ROBO1: variants seen among roughly 807,000 people sequenced by gnomAD.
ROBO1 encodes roundabout homolog 1.
A neutral mutation model predicts 195.9 loss-of-function variants in ROBO1; 149 were observed. The observed-to-expected ratio is 0.76, with a 90% confidence interval of 0.67 to 0.87. The LOEUF is 0.87. ROBO1 is among the 40% of genes least tolerant of loss of function. ROBO1 has a pLI of 0.00. For synonymous variants in ROBO1, 816 were observed against 733.2 expected, an observed-to-expected ratio of 1.11 and a Z score of -1.82; for missense variants, 1,933 against 2,068.3, an observed-to-expected ratio of 0.93 and a Z score of 1.27.
intron 1 of ROBO1, among the ~76,000 whole-genome samples, chr3:79,740,671 A>G (rs1019465462): frequency 6.6e-6 from 1 of 152,128 alleles, no homozygotes; most frequent in African/African-American, 2.4e-5. Flanking sequence ...AACCGCCCCC[A>G]TGATTCAATT....
At position 78,915,240 on chromosome 3, in the gene ROBO1, A is replaced by C. The variant is rs141050345; in HGVS notation, c.499+23361T>G. On this transcript the variant is annotated intron_variant, in intron 4 of 30. Coordinates refer to ENST00000464233, the MANE Select transcript of ROBO1 (RefSeq NM_002941.4). ...CTTACCTAAGATTATGAAGGCACCT[A>C]ATAGTAAGAAACATCAAGAATGTTC... 1.9e-3 allele frequency among the ~76,000 whole-genome samples: 293 copies of C among 152,336 alleles called. 1 individual carries two copies. The highest frequency in any genetic ancestry group is 0.017 in the Middle Eastern group (5 of 294).
rs531203402 is a variant in ROBO1 at position 79,055,348 on chromosome 3, T to A, written c.172+70108A>T. On this transcript the variant is annotated intron_variant, in intron 3 of 30. Transcript: ENST00000464233. ...GAAAAGGCCACTTATTGGATTAATATAATTTCTAAACAATGGCCCACCTGC... is the reference window on the plus strand; with the variant it reads ...GAAAAGGCCACTTATTGGATTAATAAAATTTCTAAACAATGGCCCACCTGC... Among the ~76,000 whole-genome samples the A allele has an allele frequency of 3.3e-5, 5 of 152,226 alleles. No individual in the cohort carries two copies. The East Asian group carries it at 9.7e-4, about 30-fold the overall frequency.
intron 1 of ROBO1, among the ~76,000 whole-genome samples, chr3:79,678,467 T>C (rs1265426141): frequency 2.6e-5 from 4 of 152,092 alleles, no homozygotes; most frequent in African/African-American, 7.2e-5. Flanking sequence ...TAAGGCTATT[T>C]AAAATTTGTA....
chr3:78,656,614 G>C (rs940750400), intron 18 of ROBO1, among the ~76,000 whole-genome samples: 4 of 152,068 alleles, frequency 2.6e-5, no homozygotes, highest in Non-Finnish European at 2.9e-5. Flanking sequence ...GCCTCCCAGA[G>C]TGTTGGGATT....
At chr3:79,452,416 T>C (rs2039475101) in intron 2 of ROBO1, among the ~76,000 whole-genome samples, 2 of 152,086 alleles carry the variant, frequency 1.3e-5, no homozygotes, top group Admixed American at 1.3e-4. Flanking sequence ...CATGTCTCCA[T>C]ATTGCATACT....
At position 79,697,106 on chromosome 3, in the gene ROBO1, G is replaced by A. The variant is rs574581798; in HGVS notation, c.-51+70646C>T. 2.0e-5 allele frequency among the ~76,000 whole-genome samples: 3 copies of A among 151,468 alleles called. No homozygotes were observed. The East Asian group carries it at 5.9e-4, about 30-fold the overall frequency. On this transcript the variant is annotated intron_variant, in intron 1 of 30. Transcript: ENST00000464233. ...TCAGTGTTCCTAACATGGTCCATAT[G>A]GGTTCTCTTGGTATGGACTACCCAG...
chr3:78,992,489 C>G (rs989435011), intron 3 of ROBO1, among the ~76,000 whole-genome samples: 5 of 152,148 alleles, frequency 3.3e-5, no homozygotes, highest in African/African-American at 1.2e-4. Context: ...TGAGTAGAAG[C>G]AGACCCTGGC....
intron 4 of ROBO1, among the ~76,000 whole-genome samples, chr3:78,841,420 T>G (rs933533552): frequency 6.6e-6 from 1 of 152,176 alleles, no homozygotes; most frequent in Non-Finnish European, 1.5e-5. Context: ...AACTCCTCCC[T>G]TCCTCAATCA....
At chr3:79,534,097 A>C (rs964366473) in intron 2 of ROBO1, among the ~76,000 whole-genome samples, 1 of 139,802 alleles carries the variant, frequency 7.2e-6, no homozygotes, top group Non-Finnish European at 1.5e-5. Flanking sequence ...TTGGATTTGA[A>C]GATGATAAGT....
At chr3:79,699,844 G>C (rs1381014237) in intron 1 of ROBO1, among the ~76,000 whole-genome samples, 1 of 151,552 alleles carries the variant, frequency 6.6e-6, no homozygotes, top group African/African-American at 2.4e-5. Flanking sequence ...TATAATTTTA[G>C]TTGTTATTTT....
chr3:79,135,349 C>T (rs1484430424), intron 2 of ROBO1, among the ~76,000 whole-genome samples: 4 of 152,114 alleles, frequency 2.6e-5, no homozygotes, highest in African/African-American at 9.7e-5. Flanking sequence ...ATCAAACTTA[C>T]TATCACCAAT....
At chr3:79,599,067 G>C (rs967243966) in intron 1 of ROBO1, among the ~76,000 whole-genome samples, 1 of 152,020 alleles carries the variant, frequency 6.6e-6, no homozygotes. Context: ...GACATATTCT[G>C]TGTACTTTAG....
chr3:79,407,924 G>A (rs187197373), intron 2 of ROBO1, among the ~76,000 whole-genome samples: 47 of 152,230 alleles, frequency 3.1e-4, no homozygotes, highest in African/African-American at 1.0e-3. Context: ...CCATATGATT[G>A]TGGGGGTTCT....
intron 2 of ROBO1, among the ~76,000 whole-genome samples, chr3:79,569,539 C>T (rs1943202559): frequency 6.6e-6 from 1 of 151,932 alleles, no homozygotes. Flanking sequence ...ACACTGAACA[C>T]ATTAATAGGT....
At chr3:79,655,613 T>C (rs750582039) in intron 1 of ROBO1, among the ~76,000 whole-genome samples, 7 of 152,072 alleles carry the variant, frequency 4.6e-5, no homozygotes, top group Non-Finnish European at 8.8e-5. Context: ...AAACATTCCA[T>C]GTATTTTTTT....
chr3:79,389,442 G>A (rs1236976892), intron 2 of ROBO1, among the ~76,000 whole-genome samples: 1 of 152,200 alleles, frequency 6.6e-6, no homozygotes, highest in African/African-American at 2.4e-5. Flanking sequence ...TGAGAAACGA[G>A]ATTCTCACTA....
intron 3 of ROBO1, among the ~76,000 whole-genome samples, chr3:78,939,501 C>T (rs1280923043): frequency 1.3e-5 from 2 of 151,106 alleles, no homozygotes; most frequent in Non-Finnish European, 2.9e-5. Context: ...ACCTGAAGTC[C>T]CAGCTACTCG....
At chr3:79,310,024 T>C (rs568671746) in intron 2 of ROBO1, among the ~76,000 whole-genome samples, 1 of 152,176 alleles carries the variant, frequency 6.6e-6, no homozygotes, top group South Asian at 2.1e-4. Flanking sequence ...ACATAACTAA[T>C]TGAGCATCCA....
At chr3:79,469,164 G>T (rs984427384) in intron 2 of ROBO1, among the ~76,000 whole-genome samples, 3 of 152,070 alleles carry the variant, frequency 2.0e-5, no homozygotes, top group Non-Finnish European at 4.4e-5. Flanking sequence ...CTAGTTGAGG[G>T]AGAAAGAATG....
Sources: gnomAD v4.1 joint callset for allele counts (sites outside exome capture counted in the v4.1 genomes callset) on GRCh38, gnomAD v4.1.1 for gene constraint, MANE v1.5 for transcripts, NCBI Gene and HGNC (gene_info 2026-07-23, HGNC 2026-07-21) for gene names.